The following MLLT3 variants were observed in gnomAD, a reference collection of about 807,000 sequenced individuals.
The protein encoded by MLLT3 is protein AF-9.
In MLLT3, 4 loss-of-function variants were observed where a neutral mutation model predicts 53.2. The observed-to-expected ratio is 0.08, with a 90% CI of 0.04 to 0.17. The LOEUF is 0.17. MLLT3 is among the 10% of genes least tolerant of loss of function. MLLT3 has a pLI of 1.00. For missense variants in MLLT3, 569 were observed against 684.0 expected, an observed-to-expected ratio of 0.83 and a Z score of 1.87; for synonymous variants, 283 against 230.6, an observed-to-expected ratio of 1.23 and a Z score of -2.06.
rs763597196 is a variant in MLLT3, at chr9:20,621,214, G to A, written c.13-380C>T. Among the ~76,000 whole-genome samples the A allele has an allele frequency of 9.2e-5, 14 of 152,210 alleles. No individual in the cohort carries two copies. Among genetic ancestry groups the A allele is most frequent in the Non-Finnish European group, 1.9e-4 (13 of 68,036 alleles). On this transcript the variant is annotated intron_variant, in intron 1 of 10. Coordinates refer to ENST00000380338, the MANE Select transcript of MLLT3 (RefSeq NM_004529.4). The surrounding 1 kb of genome is among the most constrained non-coding windows in gnomAD (Gnocchi z 7.0). Reference sequence around the variant, plus strand: ...GGGGCGGTTTCCCGGCGTGGGAGGGGAGGTGGCTGGGACCCAGGGGGACCG... The same window carrying A: ...GGGGCGGTTTCCCGGCGTGGGAGGGAAGGTGGCTGGGACCCAGGGGGACCG...
intron 2 of MLLT3, among the ~76,000 whole-genome samples, chr9:20,567,988 G>T (rs1234662704): frequency 6.6e-6 from 1 of 152,122 alleles, no homozygotes; most frequent in Non-Finnish European, 1.5e-5. Context: ...TGTTGACTTG[G>T]AGTCCATGTT....
chr9:20,592,099 T>G (rs60946211), intron 2 of MLLT3, among the ~76,000 whole-genome samples: 72 of 152,336 alleles, frequency 4.7e-4, no homozygotes, highest in African/African-American at 1.7e-3. Context: ...AAGGCAAGCC[T>G]ATGAGTAAAC....
At chr9:20,485,745 CGT>C (rs10536645) in intron 2 of MLLT3, among the ~76,000 whole-genome samples, 109,568 of 151,134 alleles carry the variant, frequency 0.72, 39,751 homozygotes, top group Middle Eastern at 0.85. Flanking sequence ...CATATACACA[CGT>C]GTGTGTGTGT....
chr9:20,454,321 T>C (rs1275224902), intron 3 of MLLT3, among the ~76,000 whole-genome samples: 1 of 152,146 alleles, frequency 6.6e-6, no homozygotes, highest in African/African-American at 2.4e-5. Context: ...CTTCATCCTT[T>C]ACTTGTTTTC....
Position 20,448,277 on chromosome 9 carries a change from A to AC in MLLT3, c.277-12dup. The AC allele has an allele frequency of 1.1e-5, 18 of 1,608,922 alleles. No homozygotes were observed. Among genetic ancestry groups the AC allele is most frequent in the Non-Finnish European group, 1.5e-5 (18 of 1,178,306 alleles). ...TTTCCTAGGTTCTTCCTGGAGGTTAACAAAAATTATGAAAGAAAAAAGAGA... is the reference window on the plus strand; with the variant it reads ...TTTCCTAGGTTCTTCCTGGAGGTTAACCAAAAATTATGAAAGAAAAAAGAGA... On this transcript the variant is annotated splice_polypyrimidine_tract_variant and intron_variant, in intron 3 of 10. Transcript: ENST00000380338. The surrounding 1 kb of genome is among the most constrained non-coding windows in gnomAD (Gnocchi z 4.0).
chr9:20,515,467 C>A (rs947277223), intron 2 of MLLT3, among the ~76,000 whole-genome samples: 1 of 152,084 alleles, frequency 6.6e-6, no homozygotes, highest in African/African-American at 2.4e-5. Flanking sequence ...TTGAAGCCAA[C>A]ACCATTTTTA....
chr9:20,354,749 C>T lies in MLLT3; in HGVS notation c.1503+59G>A, dbSNP rs73648204. ...CCAGCAAGGATGATCAAGGGCAACA[C>T]AAAGAAACGGAAGGCTTGTCAGTGT... On this transcript the variant is annotated intron_variant, in intron 9 of 10. Transcript: ENST00000380338. The T allele has an allele frequency of 2.6e-6, 3 of 1,163,676 alleles. No homozygotes were observed. In the South Asian group the frequency reaches 3.7e-5, roughly 14 times the overall value. 72.1% of individuals were successfully genotyped at this position (1,163,676 alleles called of 1,614,324 possible). A position where few individuals can be genotyped will look rare whatever the true frequency, so the allele number is the denominator to read the frequency against.
chr9:20,404,477 G>A (rs1350604447), intron 5 of MLLT3, among the ~76,000 whole-genome samples: 4 of 151,994 alleles, frequency 2.6e-5, no homozygotes, highest in Non-Finnish European at 2.9e-5. Context: ...CACATTTTAC[G>A]GCTCTCTACT....
rs1452794953 is a variant in MLLT3 at position 20,448,272 on chromosome 9, G to A, written c.277-6C>T. 9 of 1,607,042 alleles carry A rather than the reference G, an allele frequency of 5.6e-6. No individual in the cohort carries two copies. The highest frequency in any genetic ancestry group is 7.6e-6 in the Non-Finnish European group (9 of 1,177,798). ...CGGACTTTCCTAGGTTCTTCCTGGAGGTTAACAAAAATTATGAAAGAAAAA... is the reference window on the plus strand; with the variant it reads ...CGGACTTTCCTAGGTTCTTCCTGGAAGTTAACAAAAATTATGAAAGAAAAA... On this transcript the variant is annotated splice_polypyrimidine_tract_variant and splice_region_variant and intron_variant, in intron 3 of 10. Coordinates refer to ENST00000380338, the MANE Select transcript of MLLT3 (RefSeq NM_004529.4). This position sits in a 1 kb window ranked among gnomAD's most constrained non-coding sequence, Gnocchi z 4.0.
At chr9:20,350,594 C>CAAAAAA (rs774973521) in intron 10 of MLLT3, among the ~76,000 whole-genome samples, 30 of 123,940 alleles carry the variant, frequency 2.4e-4, no homozygotes, top group Non-Finnish European at 3.4e-4. Context: ...GACTCCGTCT[C>CAAAAAA]AAAAAAAGAA....
intron 2 of MLLT3, among the ~76,000 whole-genome samples, chr9:20,507,023 T>C (rs1692812848): frequency 6.6e-6 from 1 of 152,228 alleles, no homozygotes. Flanking sequence ...ACTATTCAAT[T>C]GGCAGTATGA....
chr9:20,374,185 C>T (rs1200569527), intron 5 of MLLT3, among the ~76,000 whole-genome samples: 6 of 152,166 alleles, frequency 3.9e-5, no homozygotes, highest in South Asian at 4.1e-4. Flanking sequence ...GAGTTCAAGA[C>T]CAGCCTGGGC....
chr9:20,467,978 GAGA>G (rs1374589813), intron 2 of MLLT3, among the ~76,000 whole-genome samples: 1 of 152,210 alleles, frequency 6.6e-6, no homozygotes, highest in Admixed American at 6.5e-5. Context: ...CGTGGAGACA[GAGA>G]AGTTTAGTGG....
At chr9:20,393,644 C>T (rs955558980) in intron 5 of MLLT3, among the ~76,000 whole-genome samples, 17 of 152,186 alleles carry the variant, frequency 1.1e-4, no homozygotes, top group Admixed American at 5.9e-4. Context: ...TGCCTCTCTT[C>T]TTTACTCCAA....
chr9:20,481,671 C>T (rs1239384002), intron 2 of MLLT3, among the ~76,000 whole-genome samples: 1 of 152,164 alleles, frequency 6.6e-6, no homozygotes, highest in Non-Finnish European at 1.5e-5. Context: ...CTCCGTTCCG[C>T]CTACCATGCA....
At chr9:20,375,330 G>A (rs189821921) in intron 5 of MLLT3, among the ~76,000 whole-genome samples, 33 of 152,240 alleles carry the variant, frequency 2.2e-4, no homozygotes, top group Admixed American at 1.8e-3. Flanking sequence ...TTTGAAAAAG[G>A]GCAATTAATT....
At chr9:20,526,491 T>G (rs988457763) in intron 2 of MLLT3, among the ~76,000 whole-genome samples, 1 of 152,242 alleles carries the variant, frequency 6.6e-6, no homozygotes, top group Non-Finnish European at 1.5e-5. Context: ...CATGCTTATG[T>G]GTATGGCTTC....
intron 5 of MLLT3, among the ~76,000 whole-genome samples, chr9:20,396,678 T>C (rs934627369): frequency 3.3e-5 from 5 of 152,040 alleles, no homozygotes; most frequent in African/African-American, 1.2e-4. Context: ...AGAAGGGAAA[T>C]GTTGGTGGGC....
chr9:20,474,729 T>C (rs1208358613), intron 2 of MLLT3, among the ~76,000 whole-genome samples: 1 of 152,054 alleles, frequency 6.6e-6, no homozygotes, highest in Non-Finnish European at 1.5e-5. Flanking sequence ...TATAATGTAA[T>C]GAGGGCAATT....
Sources: allele counts gnomAD v4.1 joint callset (sites outside exome capture counted in the v4.1 genomes callset), GRCh38; gene constraint gnomAD v4.1.1; non-coding constraint Gnocchi (gnomAD v3.1); transcripts MANE v1.5; gene names NCBI Gene and HGNC (gene_info 2026-07-23, HGNC 2026-07-21).